The following AMMECR1 variants were observed in gnomAD, a reference collection of about 807,000 sequenced individuals.
The protein encoded by AMMECR1 is AMMECR nuclear protein 1, also known as nuclear protein AMMECR1.
A neutral mutation model predicts 22.5 loss-of-function variants in AMMECR1; 3 were observed. The observed-to-expected ratio is 0.13, with a 90% CI of 0.06 to 0.35. AMMECR1 has a LOEUF of 0.35. Ranked by LOEUF, AMMECR1 falls within the 10% of genes least tolerant of loss-of-function variation. The pLI, the probability that AMMECR1 is intolerant of heterozygous loss-of-function variation, is 1.00. For synonymous variants in AMMECR1, 130 were observed against 116.7 expected (o/e 1.11, Z -0.74); for missense variants, 235 against 278.7 (o/e 0.84, Z 1.12).
rs184314515 is a variant in AMMECR1 at position 110,376,753 on chromosome X, C to T, written c.-148+49905G>A. ...TGAACAAATCACTTAAACCTCCCTGCGACTGTTCTGTCATCTAGAATATGA... is the reference window on the plus strand; with the variant it reads ...TGAACAAATCACTTAAACCTCCCTGTGACTGTTCTGTCATCTAGAATATGA... On this transcript the variant is annotated intron_variant, in intron 2 of 7. Coordinates refer to the AMMECR1 transcript ENST00000372057. 1.8e-3 allele frequency among the ~76,000 whole-genome samples: 203 copies of T among 112,593 alleles called. 2 individuals are homozygous for T. Among genetic ancestry groups the T allele is most frequent in the African/African-American group, 4.1e-3 (127 of 31,011 alleles).
In AMMECR1 at chrX:110,427,329, G is replaced by C. The variant is rs750276818; in HGVS notation, c.-293-526C>G. Among the ~76,000 whole-genome samples the C allele has an allele frequency of 1.1e-4, 12 of 111,942 alleles. No homozygotes were observed. In the South Asian group the frequency reaches 4.6e-3, roughly 43 times the overall value. On this transcript the variant is annotated intron_variant, in intron 1 of 7. Transcript: ENST00000372057. ...AATAGCCTCACAACACCTGAGACTT[G>C]AGGCTCTCAAAATGTGGGTCCTGGG...
chrX:110,386,629 A>AT (rs749075623), intron 2 of AMMECR1, among the ~76,000 whole-genome samples: 1 of 111,170 alleles, frequency 9.0e-6, no homozygotes, highest in Non-Finnish European at 1.9e-5. Context: ...ATTCTGTGTA[A>AT]TTTTTTTTCA....
intron 1 of AMMECR1, among the ~76,000 whole-genome samples, chrX:110,438,096 C>G (rs747563113): frequency 1.3e-4 from 15 of 111,118 alleles, no homozygotes; most frequent in African/African-American, 3.9e-4. Flanking sequence ...TTTGGCCTTG[C>G]CTGGTTCCTG....
upstream of AMMECR1, among the ~76,000 whole-genome samples, chrX:110,321,380 C>T (rs1005041210): frequency 2.7e-5 from 3 of 110,531 alleles, no homozygotes; most frequent in African/African-American, 9.9e-5. Flanking sequence ...GCCATAGTCT[C>T]TTTGTCAACA....
intron 2 of AMMECR1, among the ~76,000 whole-genome samples, chrX:110,224,196 T>C (rs912972981): frequency 9.0e-6 from 1 of 110,526 alleles, no homozygotes; most frequent in Non-Finnish European, 1.9e-5. Context: ...AAACAAGTTA[T>C]CTTCTCTAGG....
chrX:110,395,246 G>A (rs12394312), intron 2 of AMMECR1, among the ~76,000 whole-genome samples: 1,354 of 112,067 alleles, frequency 0.012, 10 homozygotes, highest in African/African-American at 0.024. Context: ...CTAGTGGGGA[G>A]ATGAATCTGA....
At chrX:110,326,407 A>G (rs2068098045) in intron 2 of AMMECR1, among the ~76,000 whole-genome samples, 1 of 112,076 alleles carries the variant, frequency 8.9e-6, no homozygotes, top group Non-Finnish European at 1.9e-5. Context: ...ATTTCCACAT[A>G]TTTGTGAATT....
chrX:110,284,511 A>C (rs996327264), intron 1 of AMMECR1, among the ~76,000 whole-genome samples: 1 of 112,237 alleles, frequency 8.9e-6, no homozygotes, highest in South Asian at 3.7e-4. Flanking sequence ...GCAAATTTGC[A>C]AACTGGCAAT....
chrX:110,269,207 A>G (rs1438709060), intron 1 of AMMECR1, among the ~76,000 whole-genome samples: 1 of 111,994 alleles, frequency 8.9e-6, no homozygotes, highest in Non-Finnish European at 1.9e-5. Context: ...AAATCTGAAC[A>G]GGGCACTCCC....
chrX:110,260,928 A>G (rs928221289), intron 2 of AMMECR1, among the ~76,000 whole-genome samples: 1 of 112,268 alleles, frequency 8.9e-6, no homozygotes, highest in African/African-American at 3.2e-5. Flanking sequence ...TAAGTGAAAT[A>G]AGCTAGTCAC....
chrX:110,403,433 GACAC>G (rs1416880242), intron 2 of AMMECR1, among the ~76,000 whole-genome samples: 1 of 111,994 alleles, frequency 8.9e-6, no homozygotes, highest in Non-Finnish European at 1.9e-5. Context: ...TGTATACACA[GACAC>G]ACACAGACAG....
chrX:110,344,247 G>T (rs2068178148), intron 2 of AMMECR1, among the ~76,000 whole-genome samples: 1 of 112,092 alleles, frequency 8.9e-6, no homozygotes. Context: ...ATGGGGAAAG[G>T]ATTCCGTATT....
intron 2 of AMMECR1, among the ~76,000 whole-genome samples, chrX:110,345,081 A>T (rs1476444120): frequency 3.6e-5 from 4 of 112,239 alleles, no homozygotes; most frequent in African/African-American, 1.3e-4. Flanking sequence ...AATAGCAAAG[A>T]CTTGGAACCA....
chrX:110,410,932 T>C (rs774966409), intron 2 of AMMECR1, among the ~76,000 whole-genome samples: 2 of 112,377 alleles, frequency 1.8e-5, no homozygotes, highest in Non-Finnish European at 3.8e-5. Context: ...GCCAAATCTC[T>C]TTATTTAAAA....
chrX:110,202,656 A>G (rs1304383744), intron 3 of AMMECR1, 120 bp from the exon 4 acceptor site: 4 of 462,538 alleles, frequency 8.6e-6, no homozygotes, highest in Non-Finnish European at 1.1e-5. Context: ...AGAAGGACGT[A>G]TAAGTTTTCT....
chrX:110,379,020 C>T (rs2068399300), intron 2 of AMMECR1, among the ~76,000 whole-genome samples: 1 of 112,115 alleles, frequency 8.9e-6, no homozygotes, highest in Admixed American at 9.4e-5. Flanking sequence ...GGCCTGCTCA[C>T]TCTGGCCCTC....
chrX:110,433,862 C>A (rs2148333834), intron 1 of AMMECR1, among the ~76,000 whole-genome samples: 1 of 112,158 alleles, frequency 8.9e-6, no homozygotes, highest in African/African-American at 3.2e-5. Context: ...AATGAGGAAA[C>A]CAGTATCTTA....
At chrX:110,269,097 A>G (rs1447705661) in intron 1 of AMMECR1, among the ~76,000 whole-genome samples, 1 of 112,058 alleles carries the variant, frequency 8.9e-6, no homozygotes, top group Non-Finnish European at 1.9e-5. Flanking sequence ...AATCTAGATG[A>G]TGAATCCTCC....
chrX:110,435,615 C>T (rs1019421281), intron 1 of AMMECR1, among the ~76,000 whole-genome samples: 1 of 111,720 alleles, frequency 9.0e-6, no homozygotes, highest in Non-Finnish European at 1.9e-5. Context: ...TTCTGAGTCT[C>T]CAAATGACCT....
Sources: allele counts gnomAD v4.1 joint callset (sites outside exome capture counted in the v4.1 genomes callset), GRCh38; gene constraint gnomAD v4.1.1; transcripts MANE v1.5; gene names NCBI Gene and HGNC (gene_info 2026-07-23, HGNC 2026-07-21).